TRPC7: variants seen among roughly 807,000 people sequenced by gnomAD.
The protein encoded by TRPC7 is transient receptor potential cation channel subfamily C member 7, also known as short transient receptor potential channel 7.
A neutral mutation model predicts 90.1 loss-of-function variants in TRPC7; 42 were observed. That is an observed-to-expected ratio of 0.47 (90% CI 0.36 to 0.60). The LOEUF (loss-of-function observed/expected upper bound fraction) is 0.60. Ranked by LOEUF, TRPC7 falls within the 20% of genes least tolerant of loss-of-function variation. The probability of loss-of-function intolerance (pLI) is 0.00; values close to 1 mark genes in which losing one functional copy is unlikely to be tolerated. For missense variants in TRPC7, 955 were observed against 1,112.3 expected, an observed-to-expected ratio of 0.86 and a Z score of 2.01; for synonymous variants, 451 against 436.3, an observed-to-expected ratio of 1.03 and a Z score of -0.42.
chr5:136,242,641 G>C (rs2149801921), intron 7 of TRPC7, among the ~76,000 whole-genome samples: 1 of 152,276 alleles, frequency 6.6e-6, no homozygotes, highest in East Asian at 1.9e-4. Context: ...GAAGTACAAA[G>C]AGCTGAGAGT....
chr5:136,255,050 T>TG lies in TRPC7; in HGVS notation c.1346-3169dup, dbSNP rs561889292. Among the ~76,000 whole-genome samples, 61 of 152,330 alleles carry TG rather than the reference T, an allele frequency of 4.0e-4. 1 individual carries two copies. The South Asian group carries it at 9.3e-3, about 23-fold the overall frequency. On this transcript the variant is annotated intron_variant, in intron 5 of 11. Transcript: ENST00000513104. Reference sequence around the variant, plus strand: ...CTGCAATTTCATGATAAAACTTCAATGGATGAGGAATTGTTTCTTATGGAT... The same window carrying TG: ...CTGCAATTTCATGATAAAACTTCAATGGGATGAGGAATTGTTTCTTATGGAT...
At chr5:136,251,450 C>T (rs1756513377) in intron 6 of TRPC7, among the ~76,000 whole-genome samples, 199 bp downstream of exon 6, 1 of 152,212 alleles carries the variant, frequency 6.6e-6, no homozygotes, top group South Asian at 2.1e-4. Context: ...ATTCTGCTGG[C>T]TACACTTCCA....
At chr5:136,239,485 C>G (rs138423173) in intron 7 of TRPC7, among the ~76,000 whole-genome samples, 1 of 152,240 alleles carries the variant, frequency 6.6e-6, no homozygotes, top group East Asian at 1.9e-4. Flanking sequence ...CCTGCAAACA[C>G]GTTCAGCACA....
At chr5:136,339,944 T>G (rs1017027124) in intron 2 of TRPC7, among the ~76,000 whole-genome samples, 4 of 149,120 alleles carry the variant, frequency 2.7e-5, no homozygotes, top group African/African-American at 9.8e-5. Flanking sequence ...ATAGAAATAC[T>G]AGAAGAGAAC....
intron 2 of TRPC7, among the ~76,000 whole-genome samples, chr5:136,329,195 T>A (rs1386862911): frequency 6.6e-6 from 1 of 152,146 alleles, no homozygotes; most frequent in South Asian, 2.1e-4. Context: ...GTCCCCTCTG[T>A]TAGATTCAGA....
chr5:136,330,670 A>G (rs1011351841), intron 2 of TRPC7, among the ~76,000 whole-genome samples: 2 of 152,256 alleles, frequency 1.3e-5, no homozygotes, highest in African/African-American at 4.8e-5. Flanking sequence ...CTGTGTTTAC[A>G]CACCCGAGGG....
At chr5:136,253,165 T>C (rs1473954757) in intron 5 of TRPC7, among the ~76,000 whole-genome samples, 1 of 151,974 alleles carries the variant, frequency 6.6e-6, no homozygotes, top group Non-Finnish European at 1.5e-5. Context: ...ATAGGTTAAG[T>C]ATGTTGTTAA....
chr5:136,346,062 A>G (rs548473176), intron 2 of TRPC7, among the ~76,000 whole-genome samples: 23 of 152,046 alleles, frequency 1.5e-4, no homozygotes, highest in African/African-American at 4.8e-4. Context: ...CCATTGGTCT[A>G]TATCTCACAC....
chr5:136,323,415 C>A (rs543384423), intron 2 of TRPC7, among the ~76,000 whole-genome samples: 1 of 152,258 alleles, frequency 6.6e-6, no homozygotes, highest in South Asian at 2.1e-4. Flanking sequence ...TTTCTTAATG[C>A]AAGGTCATAA....
intron 2 of TRPC7, among the ~76,000 whole-genome samples, chr5:136,352,456 A>G (rs1004304354): frequency 6.6e-5 from 10 of 152,138 alleles, no homozygotes; most frequent in African/African-American, 1.9e-4. Flanking sequence ...ATGGACCCTA[A>G]CCAATTTTAT....
intron 2 of TRPC7, among the ~76,000 whole-genome samples, chr5:136,318,571 G>A (rs1294302435): frequency 1.3e-5 from 2 of 152,094 alleles, no homozygotes; most frequent in African/African-American, 4.8e-5. Flanking sequence ...ATTCTTGATG[G>A]TTTCACTATC....
intron 10 of TRPC7, among the ~76,000 whole-genome samples, chr5:136,219,843 T>C (rs1167065291): frequency 6.6e-6 from 1 of 152,246 alleles, no homozygotes; most frequent in African/African-American, 2.4e-5. Context: ...ACTTGGTATC[T>C]GCAAAAACCA....
At chr5:136,315,992 A>G (rs1012616991) in intron 2 of TRPC7, 7 of 574,838 alleles carry the variant, frequency 1.2e-5, no homozygotes, top group African/African-American at 7.5e-5. Context: ...CTAGGTCAGC[A>G]TGTGTGAAGG....
intron 5 of TRPC7, among the ~76,000 whole-genome samples, chr5:136,255,553 TTTCTC>T (rs1315127584): frequency 6.6e-6 from 1 of 152,238 alleles, no homozygotes; most frequent in Non-Finnish European, 1.5e-5. Flanking sequence ...AAATGCAACT[TTTCTC>T]TGCACTGGGA....
At chr5:136,286,359 C>T (rs1028477729) in intron 3 of TRPC7, among the ~76,000 whole-genome samples, 1 of 152,174 alleles carries the variant, frequency 6.6e-6, no homozygotes, top group Non-Finnish European at 1.5e-5. Context: ...GATGAGGATG[C>T]TGCGACACTT....
rs759930177 is a variant in TRPC7 at position 136,251,875 on chromosome 5, A to G, written c.1353T>C (p.Ile451=). The change falls in exon 6 of 12, where the codon ATT becomes ATC. Residue 451 remains isoleucine, a synonymous_variant. Transcript: ENST00000513104. ...MLIMKWVLGM[I]WSECKEIWEE... ...CCCAGATTTCCTTGCATTCGGACCAAATCATTCCTGTGGGAGAAGGAGAAG... is the reference window on the plus strand; with the variant it reads ...CCCAGATTTCCTTGCATTCGGACCAGATCATTCCTGTGGGAGAAGGAGAAG... 2.0e-5 allele frequency: 33 copies of G among 1,613,368 alleles called. No homozygotes were observed. Among genetic ancestry groups the G allele is most frequent in the Non-Finnish European group, 2.7e-5 (32 of 1,179,376 alleles).
At chr5:136,246,455 A>G (rs75800477) in intron 7 of TRPC7, among the ~76,000 whole-genome samples, 4,700 of 152,240 alleles carry the variant, frequency 0.031, 226 homozygotes, top group African/African-American at 0.1. Context: ...TGGATGATAA[A>G]TTCTCTATTC....
At chr5:136,325,066 GT>G (rs5871601) in intron 2 of TRPC7, among the ~76,000 whole-genome samples, 134,880 of 152,190 alleles carry the variant, frequency 0.89, 59,773 homozygotes, top group East Asian at 0.92. Context: ...TTTAGGATGA[GT>G]TTTTTTTAAG....
chr5:136,241,118 C>T (rs895634269), intron 7 of TRPC7, among the ~76,000 whole-genome samples: 7 of 152,146 alleles, frequency 4.6e-5, no homozygotes, highest in African/African-American at 2.4e-5. Context: ...TCAGTGCCTC[C>T]TGAATCCCTC....
Sources: gnomAD v4.1 joint callset for allele counts (sites outside exome capture counted in the v4.1 genomes callset) on GRCh38, gnomAD v4.1.1 for gene constraint, MANE v1.5 for transcripts, NCBI Gene and HGNC (gene_info 2026-07-23, HGNC 2026-07-21) for gene names.